The following OPA3 variants were observed in gnomAD, a reference collection of about 807,000 sequenced individuals.
The protein encoded by OPA3 is optic atrophy 3 protein.
Under a neutral mutation model 4.0 loss-of-function variants are expected in OPA3, and 6 were observed. The observed-to-expected ratio is 1.51, with a 90% CI of 0.83 to 2.99. The LOEUF (loss-of-function observed/expected upper bound fraction) is 2.99, where lower values mean the gene tolerates loss of function less well. Among genes scored for constraint, OPA3 ranks in the 30% most tolerant of loss-of-function variants. The pLI is 0.00. For missense variants in OPA3, 235 were observed against 256.2 expected (o/e 0.92, Z 0.56); for synonymous variants, 105 against 117.1 (o/e 0.90, Z 0.67).
intron 1 of OPA3, among the ~76,000 whole-genome samples, chr19:45,579,290 G>A (rs542277675): frequency 2.6e-5 from 4 of 152,080 alleles, no homozygotes; most frequent in East Asian, 1.9e-4. Context: ...GTGCAATCTC[G>A]GCTCACTGCA....
downstream of OPA3, among the ~76,000 whole-genome samples, chr19:45,542,847 T>A (rs919118471): frequency 2.4e-4 from 36 of 151,792 alleles, no homozygotes; most frequent in Admixed American, 1.8e-3. Context: ...CTAATTTTAG[T>A]ACTTTTAGTA....
intron 1 of OPA3, among the ~76,000 whole-genome samples, chr19:45,563,294 G>C (rs538423817): frequency 7.9e-5 from 12 of 152,228 alleles, no homozygotes; most frequent in African/African-American, 2.9e-4. Flanking sequence ...TGAGTAGCTG[G>C]GACTACAGGC....
chr19:45,557,602 C>A (rs1969440591), intron 1 of OPA3, among the ~76,000 whole-genome samples: 1 of 152,200 alleles, frequency 6.6e-6, no homozygotes, highest in Non-Finnish European at 1.5e-5. Flanking sequence ...CTCCCACAGC[C>A]TCTCAGCTGC....
chr19:45,562,994 G>C (rs1018371236), intron 1 of OPA3, among the ~76,000 whole-genome samples: 1 of 152,244 alleles, frequency 6.6e-6, no homozygotes, highest in East Asian at 1.9e-4. Flanking sequence ...CAGGTGGCTC[G>C]ACTGTGAGGA....
intron 1 of OPA3, among the ~76,000 whole-genome samples, chr19:45,575,612 A>G (rs898498446): frequency 2.0e-5 from 3 of 150,424 alleles, no homozygotes; most frequent in Non-Finnish European, 4.4e-5. Context: ...AGCACAAATT[A>G]TTATTATTAT....
chr19:45,555,640 G>A (rs531760529), intron 1 of OPA3, among the ~76,000 whole-genome samples: 2 of 152,154 alleles, frequency 1.3e-5, no homozygotes, highest in African/African-American at 4.8e-5. Flanking sequence ...ACAGGCGCCC[G>A]CTACCACGCC....
rs535539022 is a variant in OPA3, at chr19:45,572,699, TATATG to T, written c.142+11919_142+11923del. 2.0e-4 allele frequency among the ~76,000 whole-genome samples: 28 copies of T among 139,636 alleles called. 1 individual carries two copies. Among genetic ancestry groups the T allele is most frequent in the Middle Eastern group, 4.0e-3 (1 of 250 alleles). 91.6% of individuals were successfully genotyped at this position (139,636 alleles called of 152,430 possible). A position where few individuals can be genotyped will look rare whatever the true frequency, so the allele number is the denominator to read the frequency against. On this transcript the variant is annotated intron_variant, in intron 1 of 1. Transcript: ENST00000263275. ...ATATATCTATATATATCATACTATATATATGATATATCTCAATATATACCTATATA... is the reference window on the plus strand; with the variant it reads ...ATATATCTATATATATCATACTATATATATATCTCAATATATACCTATATA...
chr19:45,560,190 C>T (rs1969483333), intron 1 of OPA3, among the ~76,000 whole-genome samples: 1 of 152,150 alleles, frequency 6.6e-6, no homozygotes, highest in African/African-American at 2.4e-5. Context: ...CACTCCCTTT[C>T]ATCTGTCTTC....
intron 1 of OPA3, among the ~76,000 whole-genome samples, chr19:45,562,736 T>TCTGGAGAAGATCCTGGAA (rs888589831): frequency 4.6e-5 from 7 of 152,156 alleles, no homozygotes; most frequent in Admixed American, 2.0e-4. Context: ...AACGTGCATT[T>TCTGGAGAAGATCCTGGAA]CTGGAGAAGA....
exon 2 of OPA3, chr19:45,528,617 T>C (rs968884848): frequency 1.1e-5 from 2 of 176,762 alleles, no homozygotes; most frequent in Non-Finnish European, 2.4e-5. Context: ...ATGAGCGTCC[T>C]AGGGGAAGGG....
chr19:45,573,287 T>TA (rs1969715695), intron 1 of OPA3, among the ~76,000 whole-genome samples: 1 of 151,808 alleles, frequency 6.6e-6, no homozygotes, highest in African/African-American at 2.4e-5. Flanking sequence ...CACGTCTCAC[T>TA]AAAAATACAA....
chr19:45,581,539 C>T (rs1969855867), intron 1 of OPA3, among the ~76,000 whole-genome samples: 1 of 152,202 alleles, frequency 6.6e-6, no homozygotes, highest in Non-Finnish European at 1.5e-5. Context: ...CCCCGCAGGA[C>T]TAGGAATTCC....
chr19:45,528,076 CTT>C (rs913964332), exon 2 of OPA3: 1 of 152,410 alleles, frequency 6.6e-6, no homozygotes, highest in Non-Finnish European at 1.5e-5. Context: ...CTGACGATGA[CTT>C]AGGTAGTAAA....
intron 1 of OPA3, among the ~76,000 whole-genome samples, chr19:45,531,878 C>T (rs1969064767): frequency 6.6e-6 from 1 of 152,198 alleles, no homozygotes; most frequent in Admixed American, 6.5e-5. Context: ...CTCTCTTTAG[C>T]CCTTCGAATT....
intron 1 of OPA3, among the ~76,000 whole-genome samples, chr19:45,555,497 T>A (rs1484453576): frequency 2.0e-5 from 3 of 149,622 alleles, no homozygotes; most frequent in Non-Finnish European, 4.5e-5. Flanking sequence ...GGCTAATATT[T>A]TTTTTTTTTT....
chr19:45,539,417 C>T lies in OPA3; in HGVS notation c.143-9961G>A, dbSNP rs1034598141. Among the ~76,000 whole-genome samples, 22 of 152,108 alleles carry T rather than the reference C, an allele frequency of 1.4e-4. 1 individual carries two copies. Among genetic ancestry groups the T allele is most frequent in the Non-Finnish European group, 2.6e-4 (18 of 68,028 alleles). On this transcript the variant is annotated intron_variant, in intron 1 of 1. Transcript: ENST00000323060. ...GACCAACCTGGGCAACATGGCGAAACCCCTTCTCTACAAAAACATCACAAA... is the reference window on the plus strand; with the variant it reads ...GACCAACCTGGGCAACATGGCGAAATCCCTTCTCTACAAAAACATCACAAA...
At chr19:45,578,487 A>C (rs1335150101) in intron 1 of OPA3, among the ~76,000 whole-genome samples, 1 of 146,516 alleles carries the variant, frequency 6.8e-6, no homozygotes, top group Non-Finnish European at 1.5e-5. Context: ...ACCAATCAGC[A>C]CTCCTGGCTC....
chr19:45,571,099 C>T (rs1452021573), intron 1 of OPA3, among the ~76,000 whole-genome samples: 2 of 151,240 alleles, frequency 1.3e-5, no homozygotes, highest in East Asian at 1.9e-4. Context: ...TATGTTAGCG[C>T]TATACATGAC....
In OPA3 at chr19:45,582,287, G is replaced by C. The variant is rs191640620; in HGVS notation, c.142+2336C>G. ...CGATTCTCATGCTCCAGCCTCCCGA[G>C]TAGCTGGGATTATAGGCGCCCGCCA... On this transcript the variant is annotated intron_variant, in intron 1 of 1. Transcript: ENST00000263275. Among the ~76,000 whole-genome samples the C allele has an allele frequency of 2.0e-3, 304 of 151,906 alleles. 3 individuals are homozygous for C. Among genetic ancestry groups the C allele is most frequent in the African/African-American group, 7.0e-3 (291 of 41,424 alleles).
Sources: allele counts gnomAD v4.1 joint callset (sites outside exome capture counted in the v4.1 genomes callset), GRCh38; gene constraint gnomAD v4.1.1; transcripts MANE v1.5; gene names NCBI Gene and HGNC (gene_info 2026-07-23, HGNC 2026-07-21).